The following GRM7 variants were observed in gnomAD, a reference collection of about 807,000 sequenced individuals.
GRM7 encodes glutamate metabotropic receptor 7.
GRM7 carries 35 observed loss-of-function variants against 84.5 expected under a neutral mutation model. That is an observed-to-expected ratio of 0.41 (90% CI 0.32 to 0.55). The LOEUF (loss-of-function observed/expected upper bound fraction) is 0.55. Among genes scored for constraint, GRM7 ranks in the 20% least tolerant of loss-of-function variants. The probability of loss-of-function intolerance (pLI) is 0.19; values close to 1 mark genes in which losing one functional copy is unlikely to be tolerated. For synonymous variants in GRM7, 487 were observed against 455.1 expected (o/e 1.07, Z -0.89); for missense variants, 1,003 against 1,194.6 (o/e 0.84, Z 2.36).
At chr3:7,554,140 T>C (rs927238173) in intron 7 of GRM7, among the ~76,000 whole-genome samples, 2 of 152,218 alleles carry the variant, frequency 1.3e-5, no homozygotes, top group African/African-American at 4.8e-5. Flanking sequence ...TGGTCCTGCA[T>C]TCTAATTCCA....
At chr3:7,682,287 G>C (rs1314562436) in intron 9 of GRM7, 1 of 133,990 alleles carries the variant, frequency 7.5e-6, no homozygotes, top group Non-Finnish European at 1.5e-5. Flanking sequence ...AGTGAGCTGA[G>C]ATCGTGCCAT....
chr3:7,039,917 G>A (rs9846748), intron 1 of GRM7, among the ~76,000 whole-genome samples: 3,591 of 152,154 alleles, frequency 0.024, 123 homozygotes, highest in African/African-American at 0.082. Context: ...AAAACAAAAC[G>A]AAGGCATTTT....
At chr3:6,870,605 C>G (rs1442296662) in intron 1 of GRM7, among the ~76,000 whole-genome samples, 1 of 152,104 alleles carries the variant, frequency 6.6e-6, no homozygotes, top group Non-Finnish European at 1.5e-5. Context: ...GGACAATGCT[C>G]TGTGGTATTG....
chr3:7,285,303 A>G (rs1042628226), intron 2 of GRM7, among the ~76,000 whole-genome samples: 4 of 152,200 alleles, frequency 2.6e-5, no homozygotes, highest in African/African-American at 9.6e-5. Flanking sequence ...TAAAAGGCAG[A>G]TGGCTTTTAG....
intron 7 of GRM7, among the ~76,000 whole-genome samples, chr3:7,572,091 A>G (rs1042607377): frequency 6.6e-6 from 1 of 152,162 alleles, no homozygotes; most frequent in African/African-American, 2.4e-5. Flanking sequence ...GGGAGTTACA[A>G]TTCATGATGA....
chr3:7,741,067 C>G lies in GRM7; in HGVS notation c.*661C>G, dbSNP rs549312130. Reference sequence around the variant, plus strand: ...AAAAACTGTGCTGAGAAAGTATGCCCCACCTATCTTTGGTATATGATAGGT... The same window carrying G: ...AAAAACTGTGCTGAGAAAGTATGCCGCACCTATCTTTGGTATATGATAGGT... On this transcript the variant is annotated 3_prime_UTR_variant, in exon 10 of 10. Transcript: ENST00000357716. 5 of 152,144 alleles carry G rather than the reference C, an allele frequency of 3.3e-5. 1 individual carries two copies. The highest frequency in any genetic ancestry group is 1.2e-4 in the African/African-American group (5 of 41,346). The allele number at this position is 152,144 out of a possible 1,614,324, so 9.4% of individuals were successfully genotyped here. A position where few individuals can be genotyped will look rare whatever the true frequency, so the allele number is the denominator to read the frequency against.
chr3:6,930,609 A>T (rs1697466963), intron 1 of GRM7, among the ~76,000 whole-genome samples: 1 of 152,068 alleles, frequency 6.6e-6, no homozygotes, highest in African/African-American at 2.4e-5. Context: ...ACCTAAATAT[A>T]TGGTTCACCC....
At chr3:7,442,352 A>G (rs1697323199) in intron 5 of GRM7, among the ~76,000 whole-genome samples, 1 of 151,996 alleles carries the variant, frequency 6.6e-6, no homozygotes, top group African/African-American at 2.4e-5. Context: ...TTGTTCTGGG[A>G]GCTTTTGGGC....
intron 4 of GRM7, among the ~76,000 whole-genome samples, chr3:7,361,424 C>G (rs530626083): frequency 1.3e-5 from 2 of 152,106 alleles, no homozygotes; most frequent in African/African-American, 4.8e-5. Context: ...CTAGTGTCCT[C>G]TTGAGCCTAC....
intron 2 of GRM7, among the ~76,000 whole-genome samples, chr3:7,290,716 C>T (rs927715413): frequency 2.6e-5 from 4 of 152,156 alleles, no homozygotes; most frequent in African/African-American, 9.7e-5. Flanking sequence ...TTACACTTTA[C>T]TGCAACCATG....
chr3:7,040,946 G>C (rs906173451), intron 1 of GRM7, among the ~76,000 whole-genome samples: 1 of 151,884 alleles, frequency 6.6e-6, no homozygotes, highest in African/African-American at 2.4e-5. Context: ...TCCTAGGTGT[G>C]GTGGTGTGCA....
At chr3:7,667,363 G>A (rs575912167) in intron 8 of GRM7, among the ~76,000 whole-genome samples, 1 of 151,920 alleles carries the variant, frequency 6.6e-6, no homozygotes, top group East Asian at 1.9e-4. Context: ...GCAGGCACTC[G>A]GATGGGTGGG....
chr3:7,621,995 C>CTAAG (rs1697382937), intron 8 of GRM7, among the ~76,000 whole-genome samples: 1 of 152,158 alleles, frequency 6.6e-6, no homozygotes, highest in Non-Finnish European at 1.5e-5. Context: ...ATCAGACTTT[C>CTAAG]TAAGTGTACG....
At chr3:7,670,725 C>CT (rs58231584) in intron 8 of GRM7, among the ~76,000 whole-genome samples, 152,312 of 152,314 alleles carry the variant, frequency 1, 76,155 homozygotes, top group Non-Finnish European at 1. Flanking sequence ...CAGATTAATT[C>CT]TTTAAACTAC....
chr3:7,249,662 C>T (rs1241920148), intron 2 of GRM7, among the ~76,000 whole-genome samples: 1 of 151,902 alleles, frequency 6.6e-6, no homozygotes, highest in Non-Finnish European at 1.5e-5. Context: ...ACAGACAAAT[C>T]ATCACATCAG....
At chr3:7,460,077 G>C (rs1383180723) in intron 6 of GRM7, among the ~76,000 whole-genome samples, 1 of 108,084 alleles carries the variant, frequency 9.3e-6, no homozygotes, top group African/African-American at 3.5e-5. Flanking sequence ...TAACCAGACA[G>C]GGAAAAGTAT....
At chr3:7,089,206 A>G (rs1698571660) in intron 1 of GRM7, among the ~76,000 whole-genome samples, 1 of 152,218 alleles carries the variant, frequency 6.6e-6, no homozygotes, top group Non-Finnish European at 1.5e-5. Flanking sequence ...TACCAGGGAT[A>G]GCATAAAATC....
intron 5 of GRM7, among the ~76,000 whole-genome samples, chr3:7,444,151 T>G (rs1012242071): frequency 2.0e-5 from 3 of 152,174 alleles, no homozygotes; most frequent in Non-Finnish European, 2.9e-5. Flanking sequence ...AACAGATTCA[T>G]GAATGTCCTG....
intron 2 of GRM7, among the ~76,000 whole-genome samples, chr3:7,296,185 A>G (rs1022799867): frequency 6.6e-6 from 1 of 151,978 alleles, no homozygotes; most frequent in Non-Finnish European, 1.5e-5. Flanking sequence ...ATATGTAAAT[A>G]ATAATGATTG....
Sources: allele counts gnomAD v4.1 joint callset (sites outside exome capture counted in the v4.1 genomes callset), GRCh38; gene constraint gnomAD v4.1.1; transcripts MANE v1.5; gene names NCBI Gene and HGNC (gene_info 2026-07-23, HGNC 2026-07-21).